EMILIN2: variants seen among roughly 807,000 people sequenced by gnomAD.
EMILIN2 encodes elastin microfibril interfacer 2, also known as EMILIN-2.
Under a neutral mutation model 87.1 loss-of-function variants are expected in EMILIN2, and 71 were observed. The observed-to-expected ratio is 0.82, with a 90% CI of 0.67 to 0.99. The LOEUF (loss-of-function observed/expected upper bound fraction) is 0.99, where lower values mean the gene tolerates loss of function less well. Ranked by LOEUF, EMILIN2 falls within the 50% of genes least tolerant of loss-of-function variation. The pLI is 0.00. For synonymous variants in EMILIN2, 581 were observed against 563.4 expected (o/e 1.03, Z -0.44); for missense variants, 1,407 against 1,371.8 (o/e 1.03, Z -0.40).
At chr18:2,877,929 T>C (rs950691744) in intron 2 of EMILIN2, among the ~76,000 whole-genome samples, 4 of 152,192 alleles carry the variant, frequency 2.6e-5, no homozygotes, top group Non-Finnish European at 4.4e-5. Flanking sequence ...GACATTACGC[T>C]AAGTGAAATA....
At chr18:2,859,492 G>A (rs2076650073) in intron 2 of EMILIN2, among the ~76,000 whole-genome samples, 1 of 152,198 alleles carries the variant, frequency 6.6e-6, no homozygotes, top group Non-Finnish European at 1.5e-5. Context: ...TGTATAGACT[G>A]TGAAGATTTT....
chr18:2,895,098 C>CCCCTAT (rs1265522978), intron 4 of EMILIN2, among the ~76,000 whole-genome samples: 2 of 151,932 alleles, frequency 1.3e-5, no homozygotes, highest in African/African-American at 4.8e-5. Flanking sequence ...TAGGTAATGG[C>CCCCTAT]TGTGTGGGGG....
At chr18:2,910,470 C>G (rs1176902276) in intron 7 of EMILIN2, among the ~76,000 whole-genome samples, 1 of 152,172 alleles carries the variant, frequency 6.6e-6, no homozygotes. Context: ...CTGCTCTGCC[C>G]GGACGGAGGG....
chr18:2,904,730 G>A (rs2076901973), intron 4 of EMILIN2, among the ~76,000 whole-genome samples: 1 of 152,158 alleles, frequency 6.6e-6, no homozygotes, highest in Non-Finnish European at 1.5e-5. Flanking sequence ...TTTAGTTGGT[G>A]TGGCTTGCTT....
intron 2 of EMILIN2, among the ~76,000 whole-genome samples, chr18:2,863,701 T>C (rs893136265): frequency 3.9e-5 from 6 of 152,218 alleles, no homozygotes; most frequent in African/African-American, 1.4e-4. Context: ...ATTCTGTTGA[T>C]TTGGGGTGGA....
At position 2,909,724 on chromosome 18, in the gene EMILIN2, C is replaced by T. The variant is rs763050616; in HGVS notation, c.2729C>T (p.Ala910Val). 4.1e-5 allele frequency: 66 copies of T among 1,613,830 alleles called. No individual in the cohort carries two copies. The highest frequency in any genetic ancestry group is 1.8e-4 in the Admixed American group (11 of 59,942). Residue 910 changes from alanine to valine, a missense_variant, in exon 7 of 8, where the codon GCG (alanine) becomes GTG (valine). By Grantham distance (64) the Ala-to-Val change is moderately conservative. Transcript: ENST00000254528. ...APVPSLVSFS[A>V]GLTQKPFPSD... ...GTGCCTTCTCTGGTGTCTTTTTCTG[C>T]GGGGCTCACCCAGAAGCCTTTCCCC...
intron 2 of EMILIN2, among the ~76,000 whole-genome samples, chr18:2,873,859 G>A (rs934600235): frequency 3.9e-5 from 6 of 152,082 alleles, no homozygotes; most frequent in African/African-American, 1.2e-4. Flanking sequence ...CCCTGTAGAC[G>A]GGCAATTCCC....
intron 2 of EMILIN2, among the ~76,000 whole-genome samples, chr18:2,864,659 T>C (rs2076677648): frequency 6.6e-6 from 1 of 152,174 alleles, no homozygotes; most frequent in Non-Finnish European, 1.5e-5. Context: ...ATTTTTTCCT[T>C]CATTTCAACT....
chr18:2,899,554 G>C (rs1420729557), intron 4 of EMILIN2, among the ~76,000 whole-genome samples: 3 of 151,790 alleles, frequency 2.0e-5, no homozygotes, highest in Non-Finnish European at 4.4e-5. Flanking sequence ...ACCCAGGCTG[G>C]AGTGCAGTGG....
Position 2,847,634 on chromosome 18 carries a change from T to A in EMILIN2, c.135-175T>A, listed in dbSNP as rs1024186013. On this transcript the variant is annotated intron_variant, in intron 1 of 7. Coordinates refer to ENST00000254528, the MANE Select transcript of EMILIN2 (RefSeq NM_032048.3). This position sits in a 1 kb window ranked among gnomAD's most constrained non-coding sequence, Gnocchi z 4.5. The stretch of plus-strand genomic sequence containing the variant: ...CTTGGTCGGGTCCAGGCGCGCGCTC[T>A]CCAGAGGCGCACCCGGGCACCCTCC... Among the ~76,000 whole-genome samples, 8 of 152,084 alleles carry A rather than the reference T, an allele frequency of 5.3e-5. No homozygotes were observed. Among genetic ancestry groups the A allele is most frequent in the Non-Finnish European group, 1.0e-4 (7 of 68,000 alleles).
chr18:2,890,428 C>G lies in EMILIN2; in HGVS notation c.434-133C>G. The G allele has an allele frequency of 1.9e-6, 2 of 1,070,710 alleles. No homozygotes were observed. The highest frequency in any genetic ancestry group is 3.2e-5 in the African/African-American group (2 of 63,190). The allele number at this position is 1,070,710 out of a possible 1,614,324, so 66.3% of individuals were successfully genotyped here. A position where few individuals can be genotyped will look rare whatever the true frequency, so the allele number is the denominator to read the frequency against. On this transcript the variant is annotated intron_variant, in intron 3 of 7. Coordinates refer to ENST00000254528, the MANE Select transcript of EMILIN2 (RefSeq NM_032048.3). The surrounding 1 kb of genome is among the most constrained non-coding windows in gnomAD (Gnocchi z 4.7). ...TACTCTTTTCTACTGTACCACAGTA[C>G]TTACCTACAATTGTGTAGTGACCTG...
intron 2 of EMILIN2, among the ~76,000 whole-genome samples, chr18:2,873,316 A>G (rs1369748117): frequency 6.6e-6 from 1 of 152,226 alleles, no homozygotes; most frequent in Non-Finnish European, 1.5e-5. Context: ...AGGTTGAGGT[A>G]GGAGAATCAC....
Position 2,885,004 on chromosome 18 carries a change from A to G in EMILIN2, c.298A>G (p.Lys100Glu). 2 of 1,613,434 alleles carry G rather than the reference A, an allele frequency of 1.2e-6. No individual in the cohort carries two copies. Among genetic ancestry groups the G allele is most frequent in the Non-Finnish European group, 1.7e-6 (2 of 1,179,708 alleles). Residue 100 changes from lysine to glutamate, a missense_variant, in exon 3 of 8, where the codon AAG becomes GAG. Physicochemically the swap from Lys to Glu is moderately conservative, Grantham distance 56 (BLOSUM62 1). Coordinates refer to ENST00000254528, the MANE Select transcript of EMILIN2 (RefSeq NM_032048.3). ...NFRPRYVTRY[K>E]TVTQLEWRCC... is the part of the protein sequence containing the mutation. ...CAGACCTAGATATGTCACTAGGTATAAGACAGTGACACAGTTGGAATGGAG... is the reference window on the plus strand; with the variant it reads ...CAGACCTAGATATGTCACTAGGTATGAGACAGTGACACAGTTGGAATGGAG...
At chr18:2,857,267 G>T (rs1373640527) in intron 2 of EMILIN2, among the ~76,000 whole-genome samples, 1 of 152,188 alleles carries the variant, frequency 6.6e-6, no homozygotes, top group African/African-American at 2.4e-5. Flanking sequence ...CTGAGACTTT[G>T]CAGCTTTTCC....
chr18:2,914,413 C>T lies in EMILIN2; in HGVS notation c.*1009C>T, dbSNP rs548841926. ...ACCAATCTCCAGCAGACACAGCTCG[C>T]CGAGCTCTTGGGTTTCTAAGCAGCA... On this transcript the variant is annotated 3_prime_UTR_variant, in exon 8 of 8. Transcript: ENST00000254528. 1 of 152,314 alleles carries T rather than the reference C, an allele frequency of 6.6e-6. No homozygotes were observed. The highest frequency in any genetic ancestry group is 2.4e-5 in the African/African-American group (1 of 41,566). 9.4% of individuals were successfully genotyped at this position (152,314 alleles called of 1,614,324 possible).
At chr18:2,911,628 C>T (rs945198548) in intron 7 of EMILIN2, among the ~76,000 whole-genome samples, 1 of 152,206 alleles carries the variant, frequency 6.6e-6, no homozygotes, top group Non-Finnish European at 1.5e-5. Flanking sequence ...GCTCTCCTGC[C>T]CTGCTCCCAT....
Position 2,915,026 on chromosome 18 carries a change from C to G in EMILIN2, c.*1622C>G, listed in dbSNP as rs576794409. ...GGAAAACCCAGTGGGCACGCGCCAT[C>G]GCCCTCTCCTCTCCTCTCACGCTCC... On this transcript the variant is annotated 3_prime_UTR_variant, in exon 8 of 8. Coordinates refer to ENST00000254528, the MANE Select transcript of EMILIN2 (RefSeq NM_032048.3). 6.6e-6 allele frequency: 1 copy of G among 152,282 alleles called. No individual in the cohort carries two copies. The highest frequency in any genetic ancestry group is 2.4e-5 in the African/African-American group (1 of 41,444). 9.4% of individuals were successfully genotyped at this position (152,282 alleles called of 1,614,324 possible).
chr18:2,851,976 G>A lies in EMILIN2; in HGVS notation c.257+4045G>A, dbSNP rs8086763. ...CGTGAGGGTAGCCACTGAGCCGCCT[G>A]CTAATCCAGGGCTTTGCGGACTGCC... is the stretch of plus-strand genomic sequence containing the variant. On this transcript the variant is annotated intron_variant, in intron 2 of 7. Coordinates refer to ENST00000254528, the MANE Select transcript of EMILIN2 (RefSeq NM_032048.3). 9.5e-3 allele frequency among the ~76,000 whole-genome samples: 1,443 copies of A among 152,294 alleles called. 27 individuals carry two copies. Among genetic ancestry groups the A allele is most frequent in the African/African-American group, 0.033 (1,367 of 41,552 alleles).
chr18:2,846,988 C>T, upstream of EMILIN2: 17 of 1,014,648 alleles, frequency 1.7e-5, no homozygotes, highest in Non-Finnish European at 2.0e-5. The surrounding 1 kb of genome is among the most constrained non-coding windows in gnomAD (Gnocchi z 5.3). Flanking sequence ...GGGAGAAGCG[C>T]AGGGCGCACG....
Sources: allele counts gnomAD v4.1 joint callset (sites outside exome capture counted in the v4.1 genomes callset), GRCh38; gene constraint gnomAD v4.1.1; non-coding constraint Gnocchi (gnomAD v3.1); transcripts MANE v1.5; gene names NCBI Gene and HGNC (gene_info 2026-07-23, HGNC 2026-07-21).